Variants in SYT1 observed in about 807,000 individuals in gnomAD.
The protein encoded by SYT1 is synaptotagmin-1.
A neutral mutation model predicts 44.8 loss-of-function variants in SYT1; 8 were observed. That is an observed-to-expected ratio of 0.18 (90% CI 0.10 to 0.32). The LOEUF is 0.32. Ranked by LOEUF, SYT1 falls within the 10% of genes least tolerant of loss-of-function variation. The pLI is 1.00. For missense variants in SYT1, 286 were observed against 509.3 expected (o/e 0.56, Z 4.22); for synonymous variants, 154 against 188.8 (o/e 0.82, Z 1.51).
At chr12:78,870,518 A>C (rs188884116) in intron 1 of SYT1, among the ~76,000 whole-genome samples, 197 of 152,234 alleles carry the variant, frequency 1.3e-3, no homozygotes, top group Non-Finnish European at 2.2e-3. Context: ...GCACATATGC[A>C]CTCAAATGCA....
chr12:79,336,854 G>C (rs1033186512), intron 8 of SYT1, among the ~76,000 whole-genome samples: 1 of 151,582 alleles, frequency 6.6e-6, no homozygotes, highest in Non-Finnish European at 1.5e-5. Flanking sequence ...TTTTATTTTG[G>C]GGGGTGGAGA....
At chr12:78,936,729 G>A (rs879490515) in intron 1 of SYT1, among the ~76,000 whole-genome samples, 2 of 152,144 alleles carry the variant, frequency 1.3e-5, no homozygotes, top group Non-Finnish European at 2.9e-5. Flanking sequence ...AGTAGGAAAG[G>A]AAGGCCAGAA....
chr12:78,920,904 G>T (rs187218669), intron 1 of SYT1, among the ~76,000 whole-genome samples: 26 of 151,894 alleles, frequency 1.7e-4, no homozygotes, highest in Admixed American at 1.1e-3. Flanking sequence ...GACAAATAAG[G>T]TATTAATACT....
chr12:78,971,656 G>T (rs754867549), intron 1 of SYT1, among the ~76,000 whole-genome samples: 3 of 152,056 alleles, frequency 2.0e-5, no homozygotes, highest in Non-Finnish European at 4.4e-5. Context: ...AAGCTAAAAC[G>T]TGTATTTCTA....
At chr12:79,035,401 C>A (rs1271108760) in intron 2 of SYT1, among the ~76,000 whole-genome samples, 2 of 151,682 alleles carry the variant, frequency 1.3e-5, no homozygotes, top group Non-Finnish European at 3.0e-5. Flanking sequence ...AGGCAGTTAC[C>A]TTAGAGCACT....
chr12:79,038,672 CTCT>C (rs1306437095), intron 2 of SYT1, among the ~76,000 whole-genome samples: 1 of 151,836 alleles, frequency 6.6e-6, no homozygotes, highest in Non-Finnish European at 1.5e-5. Context: ...AGACAGAAAA[CTCT>C]GAGTTTATTA....
chr12:78,968,060 A>G, intron 1 of SYT1, among the ~76,000 whole-genome samples: 1 of 152,156 alleles, frequency 6.6e-6, no homozygotes, highest in Middle Eastern at 3.2e-3. Context: ...AAGATTACAT[A>G]TCTATATATG....
At chr12:79,132,998 G>A (rs1210025551) in intron 3 of SYT1, among the ~76,000 whole-genome samples, 1 of 152,300 alleles carries the variant, frequency 6.6e-6, no homozygotes, top group African/African-American at 2.4e-5. Context: ...GAAGCAGAAA[G>A]ATAAATATCA....
chr12:79,092,634 G>C (rs937821370), intron 3 of SYT1, among the ~76,000 whole-genome samples: 2 of 151,666 alleles, frequency 1.3e-5, no homozygotes, highest in African/African-American at 4.8e-5. Context: ...TTGATGTTGG[G>C]TTAGTAGTTT....
chr12:79,022,514 G>C (rs1005070487), intron 2 of SYT1, among the ~76,000 whole-genome samples: 3 of 151,788 alleles, frequency 2.0e-5, no homozygotes, highest in African/African-American at 7.3e-5. Context: ...TGAAGAAGCA[G>C]AGTCCATCTG....
At chr12:79,041,675 G>A (rs1873587694) in intron 2 of SYT1, among the ~76,000 whole-genome samples, 1 of 151,960 alleles carries the variant, frequency 6.6e-6, no homozygotes, top group Non-Finnish European at 1.5e-5. Context: ...AATAGGAGTG[G>A]TGAGACAGGG....
intron 9 of SYT1, among the ~76,000 whole-genome samples, chr12:79,383,345 A>G (rs974866678): frequency 6.6e-6 from 1 of 152,218 alleles, no homozygotes; most frequent in Non-Finnish European, 1.5e-5. Context: ...TTTAAAACAC[A>G]TCATTATAAT....
At position 78,958,846 on chromosome 12, in the gene SYT1, A is replaced by G. The variant is rs149097842; in HGVS notation, c.-216-18953A>G. 5.1e-3 allele frequency among the ~76,000 whole-genome samples: 779 copies of G among 152,304 alleles called. 12 individuals are homozygous for G. The highest frequency in any genetic ancestry group is 0.018 in the African/African-American group (740 of 41,586). ...GGAAAACTTTCAAGATCTGTATAGT[A>G]TCTGAGAAAAATATTTAGAGGGCTT... On this transcript the variant is annotated intron_variant, in intron 1 of 10. Coordinates refer to ENST00000261205, the MANE Select transcript of SYT1 (RefSeq NM_005639.3).
chr12:78,928,053 C>T (rs1001966879), intron 1 of SYT1, among the ~76,000 whole-genome samples: 1 of 152,008 alleles, frequency 6.6e-6, no homozygotes, highest in Non-Finnish European at 1.5e-5. Flanking sequence ...AAATATGCTG[C>T]TATTATAGGA....
At chr12:79,132,418 CA>C (rs1462220934) in intron 3 of SYT1, among the ~76,000 whole-genome samples, 2 of 148,488 alleles carry the variant, frequency 1.3e-5, no homozygotes, top group Non-Finnish European at 3.0e-5. Context: ...CACTGCACTC[CA>C]GCCTGAGCGA....
intron 8 of SYT1, among the ~76,000 whole-genome samples, chr12:79,339,752 C>T (rs12311110): frequency 0.07 from 10,573 of 152,102 alleles, 859 homozygotes; most frequent in African/African-American, 0.2. Context: ...CCCATGCCTA[C>T]GTCCTGAATG....
intron 3 of SYT1, among the ~76,000 whole-genome samples, chr12:79,062,992 T>C (rs962020255): frequency 6.6e-6 from 1 of 152,152 alleles, no homozygotes; most frequent in African/African-American, 2.4e-5. Context: ...TCTATCTTTC[T>C]AATTGTGGTT....
chr12:79,071,873 TAA>T (rs1876303739), intron 3 of SYT1, among the ~76,000 whole-genome samples: 1 of 152,154 alleles, frequency 6.6e-6, no homozygotes, highest in South Asian at 2.1e-4. Context: ...TATTTCCACA[TAA>T]AGTCATATTC....
intron 3 of SYT1, among the ~76,000 whole-genome samples, chr12:79,066,078 G>T (rs540497458): frequency 1.5e-4 from 23 of 151,738 alleles, no homozygotes; most frequent in Non-Finnish European, 2.8e-4. Flanking sequence ...AAATACACAT[G>T]CACACACAAA....
Sources: allele counts gnomAD v4.1 joint callset (sites outside exome capture counted in the v4.1 genomes callset), GRCh38; gene constraint gnomAD v4.1.1; transcripts MANE v1.5; gene names NCBI Gene and HGNC (gene_info 2026-07-23, HGNC 2026-07-21).